Variants in ABTB3 observed in about 807,000 individuals in gnomAD.
ABTB3 encodes ankyrin repeat and BTB domain containing 3, also known as ankyrin repeat- and BTB/POZ domain-containing protein 3.
chr12:107,355,378 C>T, the ABTB3 span, among the ~76,000 whole-genome samples: 2 of 152,244 alleles, frequency 1.3e-5, no homozygotes, highest in Admixed American at 1.3e-4. Flanking sequence ...CCACGTGGAA[C>T]AGCTGGTGCC....
At chr12:107,429,103 G>A in the ABTB3 span, among the ~76,000 whole-genome samples, 1 of 152,206 alleles carries the variant, frequency 6.6e-6, no homozygotes, top group African/African-American at 2.4e-5. Flanking sequence ...TGTGAAGGTT[G>A]GGGCTTGTTT....
chr12:107,630,179 C>T, the ABTB3 span, among the ~76,000 whole-genome samples: 1 of 152,226 alleles, frequency 6.6e-6, no homozygotes, highest in African/African-American at 2.4e-5. Context: ...TAAAAGGCAG[C>T]ATCTTTGGTG....
chr12:107,636,956 T>C, the ABTB3 span, among the ~76,000 whole-genome samples: 1 of 152,180 alleles, frequency 6.6e-6, no homozygotes, highest in Non-Finnish European at 1.5e-5. Flanking sequence ...TTTGCTGAGG[T>C]TTCTTTCACT....
the ABTB3 span, among the ~76,000 whole-genome samples, chr12:107,430,279 A>G: frequency 6.6e-6 from 1 of 152,212 alleles, no homozygotes; most frequent in East Asian, 1.9e-4. Flanking sequence ...TTGTGCTTTT[A>G]TAAATAGCAT....
At chr12:107,429,131 GA>G in the ABTB3 span, among the ~76,000 whole-genome samples, 1 of 152,214 alleles carries the variant, frequency 6.6e-6, no homozygotes, top group Non-Finnish European at 1.5e-5. Context: ...TTAACGCACA[GA>G]AAGTGCTGGG....
At chr12:107,360,248 T>C in the ABTB3 span, among the ~76,000 whole-genome samples, 541 of 152,208 alleles carry the variant, frequency 3.6e-3, 2 homozygotes, top group African/African-American at 0.012. Context: ...GCAGGATGAA[T>C]AGGAGTCCAT....
the ABTB3 span, among the ~76,000 whole-genome samples, chr12:107,475,360 G>C: frequency 6.6e-6 from 1 of 152,170 alleles, no homozygotes; most frequent in Non-Finnish European, 1.5e-5. Flanking sequence ...AAGAGGTAAC[G>C]GGCATGAGAT....
chr12:107,415,987 A>T, the ABTB3 span, among the ~76,000 whole-genome samples: 3 of 152,050 alleles, frequency 2.0e-5, no homozygotes, highest in African/African-American at 7.2e-5. Flanking sequence ...AAAAAAAGTG[A>T]CTGGCATTTT....
At chr12:107,552,331 G>A in the ABTB3 span, among the ~76,000 whole-genome samples, 14 of 152,064 alleles carry the variant, frequency 9.2e-5, no homozygotes, top group African/African-American at 3.4e-4. Flanking sequence ...TATTTGCAGG[G>A]TATAAAATGA....
the ABTB3 span, among the ~76,000 whole-genome samples, chr12:107,456,570 A>T: frequency 1.2e-4 from 19 of 152,330 alleles, no homozygotes; most frequent in Non-Finnish European, 2.6e-4. Context: ...CTGATTCTAC[A>T]CGATGATGAG....
At chr12:107,376,316 C>T in the ABTB3 span, among the ~76,000 whole-genome samples, 1 of 152,096 alleles carries the variant, frequency 6.6e-6, no homozygotes, top group Admixed American at 6.5e-5. Context: ...GTCTCTGGTC[C>T]CCAGAACTGT....
chr12:107,412,506 T>C, the ABTB3 span, among the ~76,000 whole-genome samples: 4 of 152,084 alleles, frequency 2.6e-5, no homozygotes, highest in Non-Finnish European at 5.9e-5. Flanking sequence ...CACGGAAACG[T>C]AGGAGGTTGG....
chr12:107,553,742 C>A, the ABTB3 span, among the ~76,000 whole-genome samples: 3 of 152,298 alleles, frequency 2.0e-5, no homozygotes, highest in African/African-American at 7.2e-5. Context: ...AATTCAAGAC[C>A]ATCCTGGCCA....
At chr12:107,331,897 C>T in the ABTB3 span, among the ~76,000 whole-genome samples, 2 of 152,228 alleles carry the variant, frequency 1.3e-5, no homozygotes. Flanking sequence ...CCCCCCGCCC[C>T]ACCTCTCCCC....
the ABTB3 span, among the ~76,000 whole-genome samples, chr12:107,563,789 A>G: frequency 6.6e-6 from 1 of 152,118 alleles, no homozygotes; most frequent in East Asian, 1.9e-4. Context: ...AGACAGGGAG[A>G]GATGAACAAA....
chr12:107,423,982 C>A, the ABTB3 span, among the ~76,000 whole-genome samples: 1 of 152,138 alleles, frequency 6.6e-6, no homozygotes, highest in Non-Finnish European at 1.5e-5. Flanking sequence ...TAAGAAGATT[C>A]CCAAAGCCCC....
chr12:107,320,484 G>C, the ABTB3 span: 13 of 443,456 alleles, frequency 2.9e-5, no homozygotes, highest in Non-Finnish European at 5.0e-5. Flanking sequence ...GGGCTCCCTA[G>C]GACTTGGGAG....
At chr12:107,370,435 G>A in the ABTB3 span, among the ~76,000 whole-genome samples, 1 of 152,356 alleles carries the variant, frequency 6.6e-6, no homozygotes, top group East Asian at 1.9e-4. Context: ...AGATGTAGAT[G>A]CTTAGCCGGG....
chr12:107,481,099 C>A, the ABTB3 span, among the ~76,000 whole-genome samples: 1 of 152,146 alleles, frequency 6.6e-6, no homozygotes, highest in African/African-American at 2.4e-5. Context: ...CAACTGGGGA[C>A]AGGAATGGTG....
Sources: allele counts gnomAD v4.1 joint callset (sites outside exome capture counted in the v4.1 genomes callset), GRCh38; gene constraint gnomAD v4.1.1; transcripts MANE v1.5; gene names NCBI Gene and HGNC (gene_info 2026-07-23, HGNC 2026-07-21).